The following FOXP2 variants were observed in gnomAD, a reference collection of about 807,000 sequenced individuals.
FOXP2 encodes the protein forkhead box protein P2.
A neutral mutation model predicts 115.8 loss-of-function variants in FOXP2; 12 were observed. The ratio of observed to expected loss-of-function variants is 0.10; its 90% CI spans 0.07 to 0.17. The LOEUF (loss-of-function observed/expected upper bound fraction) is 0.17, where lower values mean the gene tolerates loss of function less well. FOXP2 is among the 10% of genes least tolerant of loss of function. The pLI is 1.00. For synonymous variants in FOXP2, 328 were observed against 297.7 expected, an observed-to-expected ratio of 1.10 and a Z score of -1.05; for missense variants, 629 against 843.5, an observed-to-expected ratio of 0.75 and a Z score of 3.15.
In FOXP2 at chr7:114,101,905, G is replaced by T. The variant is rs1437552647; in HGVS notation, c.-247+14067G>T. Among the ~76,000 whole-genome samples the T allele has an allele frequency of 3.4e-3, 409 of 120,200 alleles. 4 individuals carry two copies. Among genetic ancestry groups the T allele is most frequent in the African/African-American group, 0.019 (383 of 19,820 alleles). The allele number at this position is 120,200 out of a possible 152,430, so 78.9% of individuals were successfully genotyped here. ...TCCATTTCGCTTCAACATTTTGTGT[G>T]TGTGTGTGTGTGTGTGTGTGTGTGT... On this transcript the variant is annotated intron_variant, in intron 1 of 19. Transcript: ENST00000635638.
intron 2 of FOXP2, among the ~76,000 whole-genome samples, chr7:114,289,060 C>T: frequency 6.6e-6 from 1 of 151,780 alleles, no homozygotes; most frequent in Middle Eastern, 3.2e-3. Context: ...CGTAATTTCT[C>T]TGAGAGATTT....
intron 2 of FOXP2, among the ~76,000 whole-genome samples, chr7:114,471,679 G>T (rs1429552434): frequency 6.6e-6 from 1 of 151,802 alleles, no homozygotes; most frequent in Non-Finnish European, 1.5e-5. Flanking sequence ...GCCAGGTGCG[G>T]TGGTTCACGC....
chr7:114,142,116 G>A (rs1357232319), intron 1 of FOXP2, among the ~76,000 whole-genome samples: 2 of 152,082 alleles, frequency 1.3e-5, no homozygotes, highest in African/African-American at 4.8e-5. Context: ...TCCGTCTTCA[G>A]GTTTCAAGCG....
intron 1 of FOXP2, among the ~76,000 whole-genome samples, chr7:114,150,957 AG>A (rs1371211236): frequency 6.6e-6 from 1 of 152,088 alleles, no homozygotes; most frequent in Non-Finnish European, 1.5e-5. Context: ...GGCTGAGAAA[AG>A]GCAGTTACAA....
chr7:114,286,354 A>G (rs1378892122), intron 1 of FOXP2, among the ~76,000 whole-genome samples: 1 of 151,986 alleles, frequency 6.6e-6, no homozygotes, highest in Admixed American at 6.6e-5. Flanking sequence ...TAGACCTTTT[A>G]TAGCATATGC....
intron 3 of FOXP2, among the ~76,000 whole-genome samples, chr7:114,620,655 A>G (rs1804200462): frequency 6.6e-6 from 1 of 152,046 alleles, no homozygotes; most frequent in African/African-American, 2.4e-5. Context: ...CTGTGGGAAA[A>G]TAGTCTAGCC....
intron 2 of FOXP2, among the ~76,000 whole-genome samples, chr7:114,327,850 T>C (rs920872878): frequency 2.6e-5 from 4 of 151,580 alleles, no homozygotes; most frequent in African/African-American, 9.7e-5. Flanking sequence ...TTTCTTTTCA[T>C]GATACCATAC....
At position 114,130,804 on chromosome 7, in the gene FOXP2, C is replaced by T. The variant is rs117586084; in HGVS notation, c.-246-32140C>T. 6.1e-3 allele frequency among the ~76,000 whole-genome samples: 923 copies of T among 152,224 alleles called. 3 individuals are homozygous for T. Among genetic ancestry groups the T allele is most frequent in the East Asian group, 0.01 (52 of 5,184 alleles). On this transcript the variant is annotated intron_variant, in intron 1 of 19. Transcript: ENST00000635638. ...GGGAATTTATTTTTCTGGGAAAAAT[C>T]GTAAACTGCTATTGAATTTCATTTT... is the stretch of plus-strand genomic sequence containing the variant.
intron 3 of FOXP2, among the ~76,000 whole-genome samples, chr7:114,594,148 A>T (rs1003879824): frequency 6.6e-6 from 1 of 152,102 alleles, no homozygotes; most frequent in African/African-American, 2.4e-5. Flanking sequence ...ATATTAACTC[A>T]TCCTCTAATA....
intron 1 of FOXP2, among the ~76,000 whole-genome samples, chr7:114,115,978 C>A (rs1416429712): frequency 6.6e-6 from 1 of 152,126 alleles, no homozygotes; most frequent in Non-Finnish European, 1.5e-5. Flanking sequence ...ATGATTGTAA[C>A]CCCTCTAGTA....
intron 2 of FOXP2, among the ~76,000 whole-genome samples, chr7:114,356,086 A>G (rs768869918): frequency 1.3e-5 from 2 of 152,158 alleles, no homozygotes; most frequent in Non-Finnish European, 2.9e-5. Context: ...TTTGAATTCC[A>G]CAGGACTAAA....
chr7:114,277,376 C>T (rs991485426), intron 1 of FOXP2, among the ~76,000 whole-genome samples: 15 of 152,114 alleles, frequency 9.9e-5, no homozygotes, highest in African/African-American at 3.4e-4. Context: ...TGCCCACCGT[C>T]GTTTCAGGGA....
intron 1 of FOXP2, among the ~76,000 whole-genome samples, chr7:114,101,790 T>C (rs184742770): frequency 1.6e-4 from 24 of 152,236 alleles, no homozygotes; most frequent in Admixed American, 1.3e-3. Context: ...CTGTAATCTA[T>C]TGGTCATGTA....
intron 1 of FOXP2, among the ~76,000 whole-genome samples, chr7:114,244,622 C>A (rs554345847): frequency 6.6e-6 from 1 of 152,124 alleles, no homozygotes; most frequent in East Asian, 1.9e-4. Context: ...TTAATTATAT[C>A]TTTATACCTA....
intron 2 of FOXP2, among the ~76,000 whole-genome samples, chr7:114,365,302 A>G (rs954289688): frequency 2.0e-5 from 3 of 152,086 alleles, no homozygotes; most frequent in Non-Finnish European, 4.4e-5. Flanking sequence ...GCAGAACCCT[A>G]TTTTATTCTT....
intron 2 of FOXP2, among the ~76,000 whole-genome samples, chr7:114,519,746 G>T (rs1798520966): frequency 6.6e-6 from 1 of 152,058 alleles, no homozygotes; most frequent in Non-Finnish European, 1.5e-5. Context: ...TATGGAATAG[G>T]TTTAATGTCT....
At chr7:114,491,700 T>G (rs1797063010) in intron 2 of FOXP2, among the ~76,000 whole-genome samples, 1 of 152,216 alleles carries the variant, frequency 6.6e-6, no homozygotes, top group Non-Finnish European at 1.5e-5. Flanking sequence ...TCTGTTTATA[T>G]GCTGGATTAC....
At chr7:114,226,712 G>A (rs193078405) in intron 1 of FOXP2, among the ~76,000 whole-genome samples, 104 of 151,534 alleles carry the variant, frequency 6.9e-4, no homozygotes, top group African/African-American at 2.4e-3. Flanking sequence ...ATTTTTTTTG[G>A]TCTGATAAGG....
chr7:114,664,552 G>C, intron 16 of FOXP2, 116 bp downstream of exon 16: 2 of 1,237,462 alleles, frequency 1.6e-6, no homozygotes, highest in Non-Finnish European at 2.3e-6. Flanking sequence ...AATTTAAGTG[G>C]AGTTAAATTA....
Sources: allele counts gnomAD v4.1 joint callset (sites outside exome capture counted in the v4.1 genomes callset), GRCh38; gene constraint gnomAD v4.1.1; transcripts MANE v1.5; gene names NCBI Gene and HGNC (gene_info 2026-07-23, HGNC 2026-07-21).